GTSE1: variants seen among roughly 807,000 people sequenced by gnomAD.
The protein encoded by GTSE1 is G2 and S phase-expressed protein 1.
GTSE1 carries 52 observed loss-of-function variants against 60.5 expected under a neutral mutation model. The observed-to-expected ratio is 0.86, with a 90% CI of 0.69 to 1.08. The LOEUF is 1.08. Ranked by LOEUF, GTSE1 falls within the 50% of genes least tolerant of loss-of-function variation. GTSE1 has a pLI of 0.00. For synonymous variants in GTSE1, 368 were observed against 386.5 expected, an observed-to-expected ratio of 0.95 and a Z score of 0.56; for missense variants, 937 against 961.8, an observed-to-expected ratio of 0.97 and a Z score of 0.34.
At position 46,316,248 on chromosome 22, in the gene GTSE1, C is replaced by A; in HGVS notation, c.1268C>A (p.Thr423Asn). The change falls in exon 7 of 12, where the codon ACT becomes AAT. Residue 423 changes from threonine (T) to asparagine (N), a missense_variant. Transcript: ENST00000454366. This position sits in a 1 kb window ranked among gnomAD's most constrained non-coding sequence, Gnocchi z 5.0. ...PPSASPTQPQ[T>N]PEGGGQWLNS... The stretch of plus-strand genomic sequence containing the variant: ...TCAGCATCCCCCACCCAACCCCAGA[C>A]TCCGGAAGGTGGCGGCCAGTGGCTG... 6.2e-7 allele frequency: 1 copy of A among 1,613,802 alleles called. No individual in the cohort carries two copies. Among genetic ancestry groups the A allele is most frequent in the Non-Finnish European group, 8.5e-7 (1 of 1,180,010 alleles).
intron 2 of GTSE1, among the ~76,000 whole-genome samples, chr22:46,298,101 T>G (rs1200644857): frequency 6.6e-6 from 1 of 151,896 alleles, no homozygotes; most frequent in African/African-American, 2.4e-5. Flanking sequence ...TAACTGGGAT[T>G]ACAGGCACCC....
chr22:46,322,710 G>A (rs2077820292), intron 7 of GTSE1, among the ~76,000 whole-genome samples: 1 of 152,206 alleles, frequency 6.6e-6, no homozygotes, highest in Non-Finnish European at 1.5e-5. Context: ...CAAACACAGT[G>A]TAATGAATTA....
chr22:46,329,256 C>G lies in GTSE1; in HGVS notation c.1927-102C>G, dbSNP rs933240363. On this transcript the variant is annotated intron_variant, in intron 10 of 11. Transcript: ENST00000454366. The surrounding 1 kb of genome is among the most constrained non-coding windows in gnomAD (Gnocchi z 6.4). The stretch of plus-strand genomic sequence containing the variant: ...GGCCCCGCCTGATTCCTTGGCTTTC[C>G]AAACCGCCAGCCCACCTGGAACATG... The G allele has an allele frequency of 9.8e-7, 1 of 1,020,962 alleles. No homozygotes were observed. The highest frequency in any genetic ancestry group is 1.5e-6 in the Non-Finnish European group (1 of 653,382). 63.2% of individuals were successfully genotyped at this position (1,020,962 alleles called of 1,614,324 possible).
At chr22:46,300,186 C>A (rs2077681787) in intron 2 of GTSE1, among the ~76,000 whole-genome samples, 1 of 151,962 alleles carries the variant, frequency 6.6e-6, no homozygotes, top group African/African-American at 2.4e-5. Flanking sequence ...CAACCTCCGT[C>A]TCCTGGGTTC....
Position 46,319,922 on chromosome 22 carries a change from T to G in GTSE1, c.1433-3268T>G, listed in dbSNP as rs993846406. ...AATCACTTGAGCCAGGAGGCAGAGG[T>G]TGTAGTGAGCCGAGATGGTGTCACT... On this transcript the variant is annotated intron_variant, in intron 7 of 11. Transcript: ENST00000454366. This position sits in a 1 kb window ranked among gnomAD's most constrained non-coding sequence, Gnocchi z 5.0. Among the ~76,000 whole-genome samples, 1 of 150,550 alleles carries G rather than the reference T, an allele frequency of 6.6e-6. No individual in the cohort carries two copies. Among genetic ancestry groups the G allele is most frequent in the African/African-American group, 2.5e-5 (1 of 40,810 alleles).
chr22:46,329,702 G>T lies in GTSE1; in HGVS notation c.2136+135G>T, dbSNP rs2077865265. 8 of 724,018 alleles carry T rather than the reference G, an allele frequency of 1.1e-5. No individual in the cohort carries two copies. In the South Asian group the frequency reaches 1.3e-4, roughly 12 times the overall value. 44.8% of individuals were successfully genotyped at this position (724,018 alleles called of 1,614,324 possible). ...TTCTCAGCTACACACCTCAGGGCAG[G>T]ATGCACCTTTGGCAGCCTGAGCTTC... On this transcript the variant is annotated intron_variant, in intron 11 of 11. Coordinates refer to ENST00000454366, the MANE Select transcript of GTSE1 (RefSeq NM_016426.7). This position sits in a 1 kb window ranked among gnomAD's most constrained non-coding sequence, Gnocchi z 6.4.
At chr22:46,315,968 T>C in intron 6 of GTSE1, 64 bp from the exon 7 acceptor site, 1 of 1,253,132 alleles carries the variant, frequency 8.0e-7, no homozygotes, top group Non-Finnish European at 1.1e-6. Flanking sequence ...GCATAACTTC[T>C]GTGTGTTTGT....
Position 46,314,011 on chromosome 22 carries a change from A to G in GTSE1, c.1049A>G (p.Lys350Arg), listed in dbSNP as rs1601908772. Residue 350 changes from lysine (K) to arginine (R), a missense_variant and splice_region_variant, in exon 6 of 12, where the codon AAA (lysine) becomes AGA (arginine). Coordinates refer to ENST00000454366, the MANE Select transcript of GTSE1 (RefSeq NM_016426.7). The surrounding 1 kb of genome is among the most constrained non-coding windows in gnomAD (Gnocchi z 7.1). Reference sequence around the variant, plus strand: ...GCGTGCACATCCCCAGCAGTGGGCAAAGGTGAGGCAGCCGGCATCATGCTT... The same window carrying G: ...GCGTGCACATCCCCAGCAGTGGGCAGAGGTGAGGCAGCCGGCATCATGCTT... ...SSACTSPAVGKAKSSEFASIP... is the reference protein window; with the variant it reads ...SSACTSPAVGRAKSSEFASIP... 1.2e-6 allele frequency: 2 copies of G among 1,613,968 alleles called. No homozygotes were observed. Among genetic ancestry groups the G allele is most frequent in the East Asian group, 2.2e-5 (1 of 44,882 alleles).
Position 46,308,741 on chromosome 22 carries a change from C to A in GTSE1, c.560C>A (p.Ser187Tyr). 2 of 1,613,360 alleles carry A rather than the reference C, an allele frequency of 1.2e-6. No individual in the cohort carries two copies. The highest frequency in any genetic ancestry group is 1.7e-6 in the Non-Finnish European group (2 of 1,180,028). Residue 187 changes from serine (S) to tyrosine (Y), a missense_variant, in exon 4 of 12, where the codon TCC (serine) becomes TAC (tyrosine). By Grantham distance (144) the Ser-to-Tyr change is moderately radical. Coordinates refer to ENST00000454366, the MANE Select transcript of GTSE1 (RefSeq NM_016426.7). ...PVGEPRLLAS[S>Y]PALPSSGAQA... ...GGTGAGCCTCGGCTCTTGGCCTCCT[C>A]CCCGGCCCTGCCCAGCTCTGGTGCC...
intron 8 of GTSE1, among the ~76,000 whole-genome samples, chr22:46,323,972 G>A (rs532447200): frequency 3.3e-5 from 5 of 152,278 alleles, no homozygotes; most frequent in South Asian, 2.1e-4. Context: ...GATTATAGGC[G>A]TGAGCCACCG....
At chr22:46,322,279 A>G (rs2077817963) in intron 7 of GTSE1, among the ~76,000 whole-genome samples, 2 of 152,116 alleles carry the variant, frequency 1.3e-5, no homozygotes, top group South Asian at 4.1e-4. Flanking sequence ...CTGTGGGGGC[A>G]GCAGCCTGGA....
chr22:46,323,894 G>A (rs926886416), intron 8 of GTSE1, among the ~76,000 whole-genome samples: 13 of 152,012 alleles, frequency 8.6e-5, no homozygotes, highest in African/African-American at 1.7e-4. Context: ...GGGTTTCACC[G>A]TGTTAGCCAG....
rs1485500984 is a variant in GTSE1, at chr22:46,323,199, C to T, written c.1442C>T (p.Pro481Leu). The change falls in exon 8 of 12, where the codon CCG becomes CTG. Residue 481 changes from proline (P) to leucine (L), a missense_variant. Coordinates refer to ENST00000454366, the MANE Select transcript of GTSE1 (RefSeq NM_016426.7). ...CCTTTCTTGGACTTAGGTGACTCCCCGGACAGCTCAACACCAAAGCTTTCG... is the reference window on the plus strand; with the variant it reads ...CCTTTCTTGGACTTAGGTGACTCCCTGGACAGCTCAACACCAAAGCTTTCG... ...KIPKFSIGDSPDSSTPKLSRA... is the reference protein window; with the variant it reads ...KIPKFSIGDSLDSSTPKLSRA... The T allele has an allele frequency of 8.1e-6, 13 of 1,612,846 alleles. No homozygotes were observed. The highest frequency in any genetic ancestry group is 4.5e-5 in the East Asian group (2 of 44,886).
In GTSE1 at chr22:46,317,388, T is replaced by A. The variant is rs1308403490; in HGVS notation, c.1432+976T>A. ...TTGTTTCTAACATAATAGTTTCCCCTTATTTCTTCTCATGGTACTTGGGTT... is the reference window on the plus strand; with the variant it reads ...TTGTTTCTAACATAATAGTTTCCCCATATTTCTTCTCATGGTACTTGGGTT... On this transcript the variant is annotated intron_variant, in intron 7 of 11. Transcript: ENST00000454366. This position sits in a 1 kb window ranked among gnomAD's most constrained non-coding sequence, Gnocchi z 5.6. Among the ~76,000 whole-genome samples, 1 of 152,206 alleles carries A rather than the reference T, an allele frequency of 6.6e-6. No individual in the cohort carries two copies.
intron 2 of GTSE1, among the ~76,000 whole-genome samples, chr22:46,306,255 C>G (rs2077714574): frequency 6.6e-6 from 1 of 151,930 alleles, no homozygotes; most frequent in Non-Finnish European, 1.5e-5. Flanking sequence ...GATCTCTGCT[C>G]ACTGCAAGCT....
chr22:46,308,733 G>A lies in GTSE1; in HGVS notation c.552G>A (p.Leu184=). Reference sequence around the variant, plus strand: ...CCCCTGTGGGTGAGCCTCGGCTCTTGGCCTCCTCCCCGGCCCTGCCCAGCT... The same window carrying A: ...CCCCTGTGGGTGAGCCTCGGCTCTTAGCCTCCTCCCCGGCCCTGCCCAGCT... ...LGPPVGEPRL[L]ASSPALPSSG... is the part of the protein sequence containing the mutation. Residue 184 remains leucine, a synonymous_variant, in exon 4 of 12, where the codon TTG becomes TTA. Coordinates refer to ENST00000454366, the MANE Select transcript of GTSE1 (RefSeq NM_016426.7). 1 of 1,613,432 alleles carries A rather than the reference G, an allele frequency of 6.2e-7. No homozygotes were observed. The highest frequency in any genetic ancestry group is 8.5e-7 in the Non-Finnish European group (1 of 1,180,032).
At position 46,297,194 on chromosome 22, in the gene GTSE1, G is replaced by C. The variant is rs1275586847; in HGVS notation, c.-21-186G>C. 6.6e-6 allele frequency among the ~76,000 whole-genome samples: 1 copy of C among 152,208 alleles called. No individual in the cohort carries two copies. The highest frequency in any genetic ancestry group is 1.5e-5 in the Non-Finnish European group (1 of 68,030). ...TCTGATGGCGTTCGGGCTGACTCCC[G>C]GCCTGGCGGCACTCGGGCCCTGGGG... On this transcript the variant is annotated intron_variant, in intron 1 of 11. Coordinates refer to ENST00000454366, the MANE Select transcript of GTSE1 (RefSeq NM_016426.7). The surrounding 1 kb of genome is among the most constrained non-coding windows in gnomAD (Gnocchi z 4.9).
At chr22:46,305,701 A>G (rs1163219313) in intron 2 of GTSE1, among the ~76,000 whole-genome samples, 1 of 151,850 alleles carries the variant, frequency 6.6e-6, no homozygotes, top group Non-Finnish European at 1.5e-5. Flanking sequence ...AAGGTCAGGA[A>G]TTTGAGACCA....
rs1220320325 is a variant in GTSE1, at chr22:46,313,001, T to C, written c.927+696T>C. Among the ~76,000 whole-genome samples, 1 of 150,350 alleles carries C rather than the reference T, an allele frequency of 6.7e-6. No homozygotes were observed. The highest frequency in any genetic ancestry group is 2.0e-4 in the East Asian group (1 of 5,118). ...AACATAGTGAGGCCCCCATCTCCAT[T>C]AAAAAATAAAAATCAGCCAGGCATG... On this transcript the variant is annotated intron_variant, in intron 5 of 11. Transcript: ENST00000454366. This position sits in a 1 kb window ranked among gnomAD's most constrained non-coding sequence, Gnocchi z 4.4.
Sources: gnomAD v4.1 joint callset for allele counts (sites outside exome capture counted in the v4.1 genomes callset) on GRCh38, gnomAD v4.1.1 for gene constraint, Gnocchi (gnomAD v3.1) non-coding constraint, MANE v1.5 for transcripts, NCBI Gene and HGNC (gene_info 2026-07-23, HGNC 2026-07-21) for gene names.